Variants in TNFSF9 observed in about 807,000 individuals in gnomAD.
TNFSF9 encodes the protein tumor necrosis factor ligand superfamily member 9.
Under a neutral mutation model 10.3 loss-of-function variants are expected in TNFSF9, and 10 were observed. That is an observed-to-expected ratio of 0.97 (90% CI 0.60 to 1.65). The LOEUF is 1.65. Among genes scored for constraint, TNFSF9 ranks in the 40% most tolerant of loss-of-function variants. TNFSF9 has a pLI of 0.00. For missense variants in TNFSF9, 361 were observed against 348.9 expected (o/e 1.03, Z -0.28); for synonymous variants, 195 against 176.1 (o/e 1.11, Z -0.85).
intron 2 of TNFSF9, 98 bp from the exon 3 acceptor site, chr19:6,534,502 T>G: frequency 9.9e-7 from 1 of 1,010,282 alleles, no homozygotes; most frequent in South Asian, 1.6e-5. Flanking sequence ...TGACCCGTTC[T>G]TTTCTCCCAG....
At chr19:6,531,592 G>A (rs1915148656) in intron 1 of TNFSF9, among the ~76,000 whole-genome samples, 1 of 151,954 alleles carries the variant, frequency 6.6e-6, no homozygotes, top group African/African-American at 2.4e-5. Context: ...CTAGTCCGGG[G>A]GGCACCCCTT....
intron 2 of TNFSF9, among the ~76,000 whole-genome samples, chr19:6,534,348 C>T (rs947639671): frequency 6.6e-6 from 1 of 151,246 alleles, no homozygotes; most frequent in African/African-American, 2.4e-5. Context: ...TTTCCCTCCC[C>T]TAGCTCTACC....
chr19:6,532,570 GGTGTTCGTGTGT>G (rs1915172718), intron 1 of TNFSF9, among the ~76,000 whole-genome samples: 1 of 145,728 alleles, frequency 6.9e-6, no homozygotes, highest in African/African-American at 2.6e-5. Flanking sequence ...TGTTAATGTG[GGTGTTCGTGTGT>G]GTGTTCGTTT....
chr19:6,531,254 G>T lies in TNFSF9; in HGVS notation c.218G>T (p.Gly73Val). Reference sequence around the variant, plus strand: ...GCGGCCAGCCCGAGACTCCGCGAGGGTCCCGAGCTTTCGCCCGACGATCCC... The same window carrying T: ...GCGGCCAGCCCGAGACTCCGCGAGGTTCCCGAGCTTTCGCCCGACGATCCC... ...GSAASPRLREGPELSPDDPAG... is the reference protein window; with the variant it reads ...GSAASPRLREVPELSPDDPAG... Residue 73 changes from glycine to valine, a missense_variant, in exon 1 of 3, where the codon GGT becomes GTT. Coordinates refer to ENST00000245817, the MANE Select transcript of TNFSF9 (RefSeq NM_003811.4). 1 of 1,530,844 alleles carries T rather than the reference G, an allele frequency of 6.5e-7. No individual in the cohort carries two copies. 94.8% of individuals were successfully genotyped at this position (1,530,844 alleles called of 1,614,324 possible).
In TNFSF9 at chr19:6,531,054, C is replaced by G. The variant is rs1210794058; in HGVS notation, c.18C>G (p.Asp6Glu). MEYASDASLDPEAPWP... is the reference protein window; with the variant it reads MEYASEASLDPEAPWP... ...CTCTCGTCATGGAATACGCCTCTGA[C>G]GCTTCACTGGACCCCGAAGCCCCGT... is the stretch of plus-strand genomic sequence containing the variant. Residue 6 changes from aspartate to glutamate, a missense_variant, in exon 1 of 3, where the codon GAC becomes GAG. Transcript: ENST00000245817. 7 of 1,611,234 alleles carry G rather than the reference C, an allele frequency of 4.3e-6. No homozygotes were observed. The highest frequency in any genetic ancestry group is 5.9e-6 in the Non-Finnish European group (7 of 1,179,114).
At position 6,534,618 on chromosome 19, in the gene TNFSF9, C is replaced by T. The variant is rs1915225391; in HGVS notation, c.317C>T (p.Pro106Leu). The change falls in exon 3 of 3, where the codon CCC becomes CTC. Residue 106 changes from proline to leucine, a missense_variant. Coordinates refer to ENST00000245817, the MANE Select transcript of TNFSF9 (RefSeq NM_003811.4). ...VAQNVLLIDG[P>L]LSWYSDPGLA... is the part of the protein sequence containing the mutation. Reference sequence around the variant, plus strand: ...CCCACAGTTCTGCTGATCGATGGGCCCCTGAGCTGGTACAGTGACCCAGGC... The same window carrying T: ...CCCACAGTTCTGCTGATCGATGGGCTCCTGAGCTGGTACAGTGACCCAGGC... The T allele has an allele frequency of 1.3e-6, 2 of 1,576,102 alleles. No homozygotes were observed. Among genetic ancestry groups the T allele is most frequent in the East Asian group, 2.3e-5 (1 of 42,666 alleles).
Sources: allele counts gnomAD v4.1 joint callset (sites outside exome capture counted in the v4.1 genomes callset), GRCh38; gene constraint gnomAD v4.1.1; transcripts MANE v1.5; gene names NCBI Gene and HGNC (gene_info 2026-07-23, HGNC 2026-07-21).